Variants in SIK3 observed in about 807,000 individuals in gnomAD.
The protein encoded by SIK3 is SIK family kinase 3, also known as serine/threonine-protein kinase SIK3.
Under a neutral mutation model 144.2 loss-of-function variants are expected in SIK3, and 28 were observed. The ratio of observed to expected loss-of-function variants is 0.19; its 90% CI spans 0.14 to 0.27. The LOEUF is 0.27. Ranked by LOEUF, SIK3 falls within the 10% of genes least tolerant of loss-of-function variation. SIK3 has a pLI of 1.00. For missense variants in SIK3, 1,319 were observed against 1,776.0 expected (o/e 0.74, Z 4.62); for synonymous variants, 686 against 676.3 (o/e 1.01, Z -0.22).
chr11:116,964,715 T>A (rs1251455968), intron 1 of SIK3, among the ~76,000 whole-genome samples: 1 of 152,024 alleles, frequency 6.6e-6, no homozygotes, highest in African/African-American at 2.4e-5. Context: ...ACCCCACCTC[T>A]ACTAAAAATA....
At chr11:116,883,292 G>A (rs566815915) in intron 6 of SIK3, among the ~76,000 whole-genome samples, 9 of 152,278 alleles carry the variant, frequency 5.9e-5, no homozygotes, top group African/African-American at 2.2e-4. Context: ...CACAAAACAT[G>A]CTGTTTTTCC....
chr11:116,915,306 C>G (rs2135001760), intron 4 of SIK3, among the ~76,000 whole-genome samples: 1 of 152,220 alleles, frequency 6.6e-6, no homozygotes, highest in Admixed American at 6.5e-5. Flanking sequence ...ACCACGGCAC[C>G]TGGCTTTGGA....
intron 1 of SIK3, among the ~76,000 whole-genome samples, chr11:117,091,209 T>C (rs1200929235): frequency 1.7e-4 from 25 of 144,450 alleles, no homozygotes; most frequent in Admixed American, 1.6e-3. Flanking sequence ...TCTTTTTTTT[T>C]TTTTTTTTTT....
At chr11:117,069,862 C>T (rs1275102167) in intron 1 of SIK3, among the ~76,000 whole-genome samples, 5 of 152,186 alleles carry the variant, frequency 3.3e-5, no homozygotes, top group African/African-American at 1.2e-4. Context: ...TGATCTCTAA[C>T]ATCATAAAAT....
At chr11:116,870,298 G>A in intron 14 of SIK3, 33 bp downstream of exon 14, 1 of 1,613,904 alleles carries the variant, frequency 6.2e-7, no homozygotes, top group South Asian at 1.1e-5. Context: ...CCTGCCCAGG[G>A]GCTTCTGCAA....
At chr11:116,959,707 C>T (rs117046382) in intron 1 of SIK3, among the ~76,000 whole-genome samples, 1,904 of 152,234 alleles carry the variant, frequency 0.013, 14 homozygotes, top group Middle Eastern at 0.045. Context: ...TAATGGTAAA[C>T]AGAGATTGTG....
intron 4 of SIK3, among the ~76,000 whole-genome samples, chr11:116,910,162 C>T (rs185237338): frequency 1.4e-4 from 22 of 152,168 alleles, no homozygotes; most frequent in African/African-American, 5.3e-4. Flanking sequence ...AGCTAGTATA[C>T]ACTACATATA....
intron 1 of SIK3, among the ~76,000 whole-genome samples, chr11:117,000,095 AT>A (rs1222240116): frequency 2.0e-5 from 3 of 152,170 alleles, no homozygotes; most frequent in African/African-American, 4.8e-5. Context: ...GATAGTTATA[AT>A]TTTTTTCATT....
intron 3 of SIK3, among the ~76,000 whole-genome samples, chr11:116,949,769 G>A (rs1434818908): frequency 6.6e-6 from 1 of 152,130 alleles, no homozygotes; most frequent in Non-Finnish European, 1.5e-5. Flanking sequence ...AACCTCCACT[G>A]TTCTTTTTCT....
chr11:117,051,235 T>TA (rs1010593254), intron 1 of SIK3, among the ~76,000 whole-genome samples: 2 of 152,128 alleles, frequency 1.3e-5, no homozygotes, highest in African/African-American at 4.8e-5. Flanking sequence ...CTCCAGGACT[T>TA]ACACCAGCAC....
chr11:116,863,702 A>G lies in SIK3; in HGVS notation c.2069T>C (p.Met690Thr). 2 of 1,613,776 alleles carry G rather than the reference A, an allele frequency of 1.2e-6. No homozygotes were observed. The highest frequency in any genetic ancestry group is 1.7e-6 in the Non-Finnish European group (2 of 1,179,962). ...IQAFKAHLEK[M>T]GNNSSIKQLQ... is the part of the protein sequence containing the mutation. ...CTGTTTGATGCTGCTGTTGTTGCCC[A>G]TTTTTTCCAGGTGAGCTTTGAAGGC... Residue 690 changes from methionine (M) to threonine (T), a missense_variant, in exon 16 of 25, where the codon ATG (methionine) becomes ACG (threonine). Met to Thr is a moderately conservative substitution (Grantham distance 81). Coordinates refer to ENST00000445177, the MANE Select transcript of SIK3 (RefSeq NM_001366686.3).
At chr11:116,977,245 TCC>T (rs1949979275) in intron 1 of SIK3, among the ~76,000 whole-genome samples, 1 of 77,160 alleles carries the variant, frequency 1.3e-5, no homozygotes, top group East Asian at 5.4e-4. Context: ...CCTCCCTCCC[TCC>T]CTTCCTTCCT....
chr11:116,859,403 G>A lies in SIK3; in HGVS notation c.2627C>T (p.Ser876Phe). 1 of 1,614,192 alleles carries A rather than the reference G, an allele frequency of 6.2e-7. No individual in the cohort carries two copies. The change falls in exon 20 of 25, where the codon TCC (serine) becomes TTC (phenylalanine). Residue 876 changes from serine to phenylalanine, a missense_variant. Around this residue, in one of 8 missense-constraint regions of SIK3, gnomAD observed 646 missense variants for 763.7 expected, o/e 0.85. Transcript: ENST00000445177. ...GCTGATGGAGATGCCGCGCCCACTG[G>A]AGCCTGCAGCTGTGCCTGGCATGTT... is the stretch of plus-strand genomic sequence containing the variant. ...LSNMPGTAAG[S>F]SGRGISISPS...
chr11:116,904,320 G>T (rs540255802), intron 4 of SIK3, among the ~76,000 whole-genome samples: 1 of 152,288 alleles, frequency 6.6e-6, no homozygotes, highest in South Asian at 2.1e-4. Flanking sequence ...CAAGTGACAA[G>T]CAAGACACTG....
At chr11:117,006,825 T>C (rs1036668123) in intron 1 of SIK3, among the ~76,000 whole-genome samples, 5 of 152,152 alleles carry the variant, frequency 3.3e-5, no homozygotes, top group African/African-American at 1.2e-4. Context: ...TTTTCTCCCA[T>C]AATGAAAATA....
chr11:117,071,199 A>AAAT (rs1555145923), intron 1 of SIK3, among the ~76,000 whole-genome samples: 1 of 151,292 alleles, frequency 6.6e-6, no homozygotes, highest in Non-Finnish European at 1.5e-5. Context: ...AAAAAAAAAA[A>AAAT]AATAACATGA....
chr11:116,869,823 A>G, intron 14 of SIK3: 2 of 290,224 alleles, frequency 6.9e-6, no homozygotes, highest in South Asian at 6.5e-5. Context: ...CCCGAATCCC[A>G]TATTCTCTTT....
Position 116,867,120 on chromosome 11 carries a change from G to T in SIK3, c.1952+826C>A, listed in dbSNP as rs544216656. ...CTGATTGCTTTTCAACCTTCCCAAG[G>T]CTGCTTTTCAGTGTCCTCCCCAAAA... On this transcript the variant is annotated intron_variant, in intron 15 of 24. Coordinates refer to ENST00000445177, the MANE Select transcript of SIK3 (RefSeq NM_001366686.3). The surrounding 1 kb of genome is among the most constrained non-coding windows in gnomAD (Gnocchi z 4.1). 5.3e-5 allele frequency among the ~76,000 whole-genome samples: 8 copies of T among 152,290 alleles called. No homozygotes were observed. In the South Asian group the frequency reaches 1.7e-3, roughly 32 times the overall value.
At position 116,875,459 on chromosome 11, in the gene SIK3, G is replaced by A. The variant is rs1944201896; in HGVS notation, c.1240-8C>T. On this transcript the variant is annotated splice_region_variant and splice_polypyrimidine_tract_variant and intron_variant, in intron 9 of 24. Transcript: ENST00000445177. ...AGTACCTGCCTGCTCCGCCTGGAAA[G>A]CAGTACATACATATACACGCATACC... The A allele has an allele frequency of 8.1e-6, 13 of 1,613,706 alleles. No individual in the cohort carries two copies. Among genetic ancestry groups the A allele is most frequent in the Non-Finnish European group, 1.0e-5 (12 of 1,179,830 alleles).
Sources: allele counts gnomAD v4.1 joint callset (sites outside exome capture counted in the v4.1 genomes callset), GRCh38; gene constraint gnomAD v4.1.1; regional missense constraint gnomAD v4.1.1; non-coding constraint Gnocchi (gnomAD v3.1); transcripts MANE v1.5; gene names NCBI Gene and HGNC (gene_info 2026-07-23, HGNC 2026-07-21).